BCAS1: variants seen among roughly 807,000 people sequenced by gnomAD.
BCAS1 encodes breast carcinoma-amplified sequence 1.
In BCAS1, 46 loss-of-function variants were observed where a neutral mutation model predicts 65.4. The observed-to-expected ratio is 0.70, with a 90% CI of 0.55 to 0.90. The LOEUF (loss-of-function observed/expected upper bound fraction) is 0.90. Among genes scored for constraint, BCAS1 ranks in the 40% least tolerant of loss-of-function variants. BCAS1 has a pLI of 0.00. For synonymous variants in BCAS1, 298 were observed against 293.5 expected (o/e 1.02, Z -0.16); for missense variants, 793 against 771.2 (o/e 1.03, Z -0.33).
chr20:54,024,474 G>A (rs988048221), intron 4 of BCAS1, among the ~76,000 whole-genome samples: 1 of 152,188 alleles, frequency 6.6e-6, no homozygotes, highest in Non-Finnish European at 1.5e-5. Flanking sequence ...GTAGACATGT[G>A]GAAGAGGAGG....
intron 7 of BCAS1, among the ~76,000 whole-genome samples, chr20:53,989,415 C>T (rs767926437): frequency 1.8e-4 from 27 of 152,170 alleles, no homozygotes; most frequent in Non-Finnish European, 3.8e-4. Context: ...TGGTCATCAT[C>T]ATATCCTAAG....
rs751580176 is a variant in BCAS1, at chr20:54,058,179, G to A, written c.73-25C>T. 11 of 1,607,448 alleles carry A rather than the reference G, an allele frequency of 6.8e-6. No individual in the cohort carries two copies. In the Admixed American group the frequency reaches 1.2e-4, roughly 17 times the overall value. The stretch of plus-strand genomic sequence containing the variant: ...CCTGAAACAGAGCACGTGGCATTGT[G>A]AGACAAATCTTCGGGGGAAAATCAG... On this transcript the variant is annotated intron_variant, in intron 2 of 12. Coordinates refer to ENST00000688948, the MANE Select transcript of BCAS1 (RefSeq NM_001366298.2).
At chr20:54,020,270 G>T (rs972493026) in intron 4 of BCAS1, among the ~76,000 whole-genome samples, 42 of 152,176 alleles carry the variant, frequency 2.8e-4, no homozygotes, top group African/African-American at 9.9e-4. Context: ...TTCTGAGGGG[G>T]CGAGTCAGAT....
chr20:53,953,837 A>G (rs2089610165), intron 11 of BCAS1, 142 bp from the exon 12 acceptor site: 1 of 1,024,042 alleles, frequency 9.8e-7, no homozygotes, highest in Admixed American at 3.0e-5. Flanking sequence ...ATGAATATAA[A>G]AAAAGGTAAA....
intron 1 of BCAS1, among the ~76,000 whole-genome samples, chr20:54,067,324 CGA>C (rs1202413316): frequency 6.6e-6 from 1 of 151,698 alleles, no homozygotes; most frequent in Non-Finnish European, 1.5e-5. Context: ...TGCAGTGAGC[CGA>C]GATCACACCG....
intron 7 of BCAS1, among the ~76,000 whole-genome samples, chr20:53,989,243 T>C (rs2090692549): frequency 6.6e-6 from 1 of 152,182 alleles, no homozygotes; most frequent in African/African-American, 2.4e-5. Context: ...ATCAGTTTCA[T>C]AGGGAAGTGA....
At chr20:53,977,163 A>G (rs947977723) in intron 8 of BCAS1, among the ~76,000 whole-genome samples, 10 of 152,194 alleles carry the variant, frequency 6.6e-5, no homozygotes, top group African/African-American at 2.4e-4. Flanking sequence ...TGCTATCAAG[A>G]GGACAGCATG....
intron 4 of BCAS1, among the ~76,000 whole-genome samples, chr20:54,025,065 C>T (rs1429132002): frequency 1.1e-4 from 17 of 152,046 alleles, no homozygotes; most frequent in Middle Eastern, 3.2e-3. Flanking sequence ...AAGGTTAGTG[C>T]GAAAGTAACG....
At position 53,953,466 on chromosome 20, in the gene BCAS1, C is replaced by T. The variant is rs141158222; in HGVS notation, c.1781G>A (p.Arg594Gln). The change falls in exon 12 of 13, where the codon CGG becomes CAG. Residue 594 changes from arginine (R) to glutamine (Q), a missense_variant. Arg to Gln is a conservative substitution (Grantham distance 43, BLOSUM62 1). Transcript: ENST00000688948. Reference protein sequence around the residue: ...GDKLQKRPEKRQQSLGGFFKG... With the variant: ...GDKLQKRPEKQQQSLGGFFKG... ...AAAGAAGCCCCCAAGGGACTGCTGCCGCTTCTCAGGTCTCTTTTGGAGCTT... is the reference window on the plus strand; with the variant it reads ...AAAGAAGCCCCCAAGGGACTGCTGCTGCTTCTCAGGTCTCTTTTGGAGCTT... 1.9e-4 allele frequency: 307 copies of T among 1,614,120 alleles called. No individual in the cohort carries two copies. The highest frequency in any genetic ancestry group is 6.6e-4 in the Middle Eastern group (4 of 6,056).
At chr20:54,003,084 C>T (rs2091096496) in intron 4 of BCAS1, among the ~76,000 whole-genome samples, 1 of 152,164 alleles carries the variant, frequency 6.6e-6, no homozygotes, top group African/African-American at 2.4e-5. Flanking sequence ...CTCTCTGAGA[C>T]AAGGTCGTCT....
Position 53,954,294 on chromosome 20 carries a change from G to GGAGAGAGAGAGAGAGA in BCAS1, c.1552-615_1552-600dup, listed in dbSNP as rs71196437. Among the ~76,000 whole-genome samples, 546 of 125,870 alleles carry GGAGAGAGAGAGAGAGA rather than the reference G, an allele frequency of 4.3e-3. 12 individuals are homozygous for GGAGAGAGAGAGAGAGA. Among genetic ancestry groups the GGAGAGAGAGAGAGAGA allele is most frequent in the African/African-American group, 9.7e-3 (308 of 31,718 alleles). 82.6% of individuals were successfully genotyped at this position (125,870 alleles called of 152,430 possible). On this transcript the variant is annotated intron_variant, in intron 11 of 12. Transcript: ENST00000688948. ...ACAGAGAAAATCACAGCTGAGAAAT[G>GGAGAGAGAGAGAGAGA]GAGAGAGAGAGAGAGAGAGAGAGAG... is the stretch of plus-strand genomic sequence containing the variant.
chr20:54,054,181 G>T (rs1156766694), intron 3 of BCAS1, among the ~76,000 whole-genome samples: 2 of 152,018 alleles, frequency 1.3e-5, no homozygotes, highest in African/African-American at 4.8e-5. Context: ...ACCTCCTACT[G>T]GGTCCCTCCC....
chr20:54,057,653 A>G (rs2092315499), intron 3 of BCAS1, among the ~76,000 whole-genome samples: 1 of 152,252 alleles, frequency 6.6e-6, no homozygotes, highest in Non-Finnish European at 1.5e-5. Context: ...ATTTGGAAAC[A>G]GGATCTTTGC....
chr20:54,060,132 C>T (rs577769869), intron 1 of BCAS1, among the ~76,000 whole-genome samples: 2 of 152,346 alleles, frequency 1.3e-5, no homozygotes, highest in South Asian at 2.1e-4. Flanking sequence ...CATGAATCCT[C>T]TCTCTGCCCC....
chr20:53,978,682 GC>G, intron 8 of BCAS1, among the ~76,000 whole-genome samples: 1 of 152,274 alleles, frequency 6.6e-6, no homozygotes, highest in South Asian at 2.1e-4. Context: ...TTGCACACTG[GC>G]CTGCAAGTGT....
chr20:54,051,956 C>T (rs1404285830), intron 3 of BCAS1, among the ~76,000 whole-genome samples: 1 of 152,090 alleles, frequency 6.6e-6, no homozygotes, highest in African/African-American at 2.4e-5. Context: ...CCAGGCTGGT[C>T]TCAAACTCCC....
At chr20:53,946,538 GAGTAT>G (rs1343777044) in intron 12 of BCAS1, among the ~76,000 whole-genome samples, 2 of 149,964 alleles carry the variant, frequency 1.3e-5, no homozygotes, top group Admixed American at 6.7e-5. Flanking sequence ...CACATAGAGA[GAGTAT>G]AGTATAGAGT....
Position 53,995,000 on chromosome 20 carries a change from C to G in BCAS1, c.927+12G>C, listed in dbSNP as rs771234134. On this transcript the variant is annotated intron_variant, in intron 6 of 12. Coordinates refer to ENST00000688948, the MANE Select transcript of BCAS1 (RefSeq NM_001366298.2). ...AACCCAAATATATACATACACACTT[C>G]CAACTACCTACCGTGTCTTCTGGGT... The G allele has an allele frequency of 6.2e-7, 1 of 1,612,342 alleles. No individual in the cohort carries two copies. Among genetic ancestry groups the G allele is most frequent in the East Asian group, 2.2e-5 (1 of 44,792 alleles).
chr20:54,035,273 G>T (rs1475448051), intron 3 of BCAS1, among the ~76,000 whole-genome samples: 1 of 150,198 alleles, frequency 6.7e-6, no homozygotes, highest in African/African-American at 2.4e-5. Context: ...GGTGGCAGGC[G>T]CCTGTAGTCC....
Sources: allele counts gnomAD v4.1 joint callset (sites outside exome capture counted in the v4.1 genomes callset), GRCh38; gene constraint gnomAD v4.1.1; transcripts MANE v1.5; gene names NCBI Gene and HGNC (gene_info 2026-07-23, HGNC 2026-07-21).